The following NFYC variants were observed in gnomAD, a reference collection of about 807,000 sequenced individuals.
NFYC encodes CAAT box DNA-binding protein subunit C.
NFYC carries 25 observed loss-of-function variants against 53.1 expected under a neutral mutation model. The observed-to-expected ratio is 0.47, with a 90% CI of 0.34 to 0.66. NFYC has a LOEUF of 0.66. Among genes scored for constraint, NFYC ranks in the 30% least tolerant of loss-of-function variants. The probability of loss-of-function intolerance (pLI) is 0.01; values close to 1 mark genes in which losing one functional copy is unlikely to be tolerated. For synonymous variants in NFYC, 145 were observed against 152.6 expected (o/e 0.95, Z 0.37); for missense variants, 260 against 422.7 (o/e 0.62, Z 3.38).
At chr1:40,767,008 A>G in intron 8 of NFYC, 1 of 1,545,246 alleles carries the variant, frequency 6.5e-7, no homozygotes, top group South Asian at 1.2e-5. Flanking sequence ...GAAATGTTCG[A>G]CAGATCGCCT....
chr1:40,752,873 C>T (rs1276506895), intron 4 of NFYC, among the ~76,000 whole-genome samples: 3 of 151,932 alleles, frequency 2.0e-5, no homozygotes, highest in Non-Finnish European at 2.9e-5. Context: ...ATTTGAAAAT[C>T]GCGGGGAGAG....
chr1:40,762,800 C>T, intron 6 of NFYC, 88 bp from the exon 7 acceptor site: 1 of 1,313,954 alleles, frequency 7.6e-7, no homozygotes, highest in Non-Finnish European at 1.0e-6. Flanking sequence ...GGGTTTGCTC[C>T]CAGCACATTG....
At chr1:40,694,936 C>T (rs185929726) in intron 1 of NFYC, among the ~76,000 whole-genome samples, 1 of 152,292 alleles carries the variant, frequency 6.6e-6, no homozygotes, top group African/African-American at 2.4e-5. Context: ...CTCATTTATA[C>T]TTACACATTT....
chr1:40,729,761 C>T (rs1282538825), intron 1 of NFYC, among the ~76,000 whole-genome samples: 1 of 150,994 alleles, frequency 6.6e-6, no homozygotes, highest in Non-Finnish European at 1.5e-5. Flanking sequence ...CTGCAACCTT[C>T]GCCTCCTGGG....
At chr1:40,745,302 C>G (rs908131391) in intron 2 of NFYC, among the ~76,000 whole-genome samples, 2 of 152,176 alleles carry the variant, frequency 1.3e-5, no homozygotes, top group South Asian at 2.1e-4. Context: ...AGCACACTTG[C>G]AAGAGAGCTA....
Position 40,758,338 on chromosome 1 carries a change from C to G in NFYC, c.561+44C>G, listed in dbSNP as rs115704646. The G allele has an allele frequency of 4.1e-4, 633 of 1,547,824 alleles. 1 individual carries two copies. In the African/African-American group the frequency reaches 7.9e-3, roughly 19 times the overall value. On this transcript the variant is annotated intron_variant, in intron 6 of 9. Coordinates refer to ENST00000447388, the MANE Select transcript of NFYC (RefSeq NM_014223.5). Reference sequence around the variant, plus strand: ...ATGCCCATCCAGCAAGACAGTGCCCCTTAGGTTTTTGGATGGGCAGAGCTT... The same window carrying G: ...ATGCCCATCCAGCAAGACAGTGCCCGTTAGGTTTTTGGATGGGCAGAGCTT...
At chr1:40,766,796 A>C (rs1570750012) in intron 8 of NFYC, 93 bp downstream of exon 8, 1 of 1,486,818 alleles carries the variant, frequency 6.7e-7, no homozygotes, top group Non-Finnish European at 9.3e-7. Flanking sequence ...CTGTCTTGCC[A>C]CCTCATCCTT....
rs114088081 is a variant in NFYC, at chr1:40,722,596, A to G, written c.-8-16240A>G. On this transcript the variant is annotated intron_variant, in intron 1 of 9. Transcript: ENST00000447388. ...TCTAGCTTCAGGCAGCCATGATGAT[A>G]TGATGCCATCTGGCATTTGTATGAA... is the stretch of plus-strand genomic sequence containing the variant. Among the ~76,000 whole-genome samples the G allele has an allele frequency of 4.9e-3, 740 of 152,338 alleles. 5 individuals carry two copies. Among genetic ancestry groups the G allele is most frequent in the African/African-American group, 0.017 (716 of 41,572 alleles).
At chr1:40,747,682 C>A in intron 3 of NFYC, 77 bp downstream of exon 3, 1 of 932,606 alleles carries the variant, frequency 1.1e-6, no homozygotes, top group South Asian at 1.5e-5. Context: ...CTCTAGAGCT[C>A]AAAGTTTAAT....
intron 1 of NFYC, chr1:40,734,745 TA>T (rs1216475296): frequency 6.6e-6 from 1 of 152,224 alleles, no homozygotes; most frequent in African/African-American, 2.4e-5. Flanking sequence ...GCCTTTTGAA[TA>T]AAAGTACTCA....
intron 1 of NFYC, among the ~76,000 whole-genome samples, chr1:40,715,020 C>T (rs575480129): frequency 2.2e-4 from 33 of 152,132 alleles, no homozygotes; most frequent in African/African-American, 8.0e-4. Context: ...GCGGAGCTTG[C>T]AGTGAGCCGA....
rs1326992264 is a variant in NFYC at position 40,734,508 on chromosome 1, GTGCCACCACAGCCAGCTAATTTT to G, written c.-8-4324_-8-4302del. Among the ~76,000 whole-genome samples, 19 of 152,142 alleles carry G rather than the reference GTGCCACCACAGCCAGCTAATTTT, an allele frequency of 1.2e-4. 1 individual carries two copies. In the South Asian group the frequency reaches 3.7e-3, roughly 30 times the overall value. On this transcript the variant is annotated intron_variant, in intron 1 of 9. Coordinates refer to ENST00000447388, the MANE Select transcript of NFYC (RefSeq NM_014223.5). ...CCCGAGTAGCTGGGACTACAGGCAT[GTGCCACCACAGCCAGCTAATTTT>G]TGCATTTTTAGTAGAGATGAGGTTT...
chr1:40,696,407 G>GA (rs200844090), intron 1 of NFYC, among the ~76,000 whole-genome samples: 1 of 152,204 alleles, frequency 6.6e-6, no homozygotes, highest in South Asian at 2.1e-4. Flanking sequence ...TATGGGAAAA[G>GA]AAAAAAAGTC....
chr1:40,766,856 G>A, intron 8 of NFYC, 153 bp downstream of exon 8: 2 of 1,511,582 alleles, frequency 1.3e-6, no homozygotes, highest in Non-Finnish European at 1.8e-6. Flanking sequence ...GCACCCAAGA[G>A]GCATGGGTGG....
At chr1:40,735,394 A>G in intron 1 of NFYC, 1 of 160,462 alleles carries the variant, frequency 6.2e-6, no homozygotes, top group Non-Finnish European at 1.3e-5. Context: ...TGTGGCTCTG[A>G]GCCAGCCAAA....
intron 1 of NFYC, 144 bp downstream of exon 1, chr1:40,692,011 T>C (rs1642828813): frequency 3.9e-6 from 1 of 253,666 alleles, no homozygotes; most frequent in Admixed American, 6.1e-5. Flanking sequence ...CGCCGCCATG[T>C]TGTGCTCTTG....
At chr1:40,747,075 A>G (rs1347934471) in intron 2 of NFYC, among the ~76,000 whole-genome samples, 1 of 152,218 alleles carries the variant, frequency 6.6e-6, no homozygotes, top group Admixed American at 6.5e-5. Context: ...ACTGTGGTCA[A>G]GTGCCCCGGC....
intron 1 of NFYC, among the ~76,000 whole-genome samples, chr1:40,732,602 C>T (rs1644822335): frequency 6.6e-6 from 1 of 152,152 alleles, no homozygotes; most frequent in Non-Finnish European, 1.5e-5. Context: ...CATGATTTTC[C>T]CCTTCTTGCT....
At chr1:40,713,927 G>A (rs532942440) in intron 1 of NFYC, among the ~76,000 whole-genome samples, 3 of 152,348 alleles carry the variant, frequency 2.0e-5, no homozygotes, top group Admixed American at 6.5e-5. Flanking sequence ...TAGAAAGTCT[G>A]CTGCAGCAGA....
Sources: allele counts gnomAD v4.1 joint callset (sites outside exome capture counted in the v4.1 genomes callset), GRCh38; gene constraint gnomAD v4.1.1; transcripts MANE v1.5; gene names NCBI Gene and HGNC (gene_info 2026-07-23, HGNC 2026-07-21).